Variants in IQGAP1 observed in about 807,000 individuals in gnomAD.
IQGAP1 encodes ras GTPase-activating-like protein IQGAP1.
A neutral mutation model predicts 215.6 loss-of-function variants in IQGAP1; 66 were observed. The observed-to-expected ratio is 0.31, with a 90% CI of 0.25 to 0.38. The LOEUF (loss-of-function observed/expected upper bound fraction) is 0.38, where lower values mean the gene tolerates loss of function less well. IQGAP1 is among the 10% of genes least tolerant of loss of function. The probability of loss-of-function intolerance (pLI) is 1.00; values close to 1 mark genes in which losing one functional copy is unlikely to be tolerated. For missense variants in IQGAP1, 1,712 were observed against 1,997.1 expected (o/e 0.86, Z 2.72); for synonymous variants, 772 against 728.7 (o/e 1.06, Z -0.96).
intron 4 of IQGAP1, among the ~76,000 whole-genome samples, chr15:90,431,459 T>C (rs1461009456): frequency 1.3e-5 from 2 of 152,254 alleles, no homozygotes; most frequent in Non-Finnish European, 2.9e-5. Flanking sequence ...CAGTGGGCAA[T>C]GACAATAACC....
chr15:90,494,605 T>C (rs548404002), intron 35 of IQGAP1, 108 bp from the exon 36 acceptor site: 8 of 879,518 alleles, frequency 9.1e-6, no homozygotes, highest in South Asian at 2.0e-5. Context: ...ATGTTACTTA[T>C]GCTTATGTCT....
At chr15:90,479,509 G>T (rs534701558) in intron 26 of IQGAP1, among the ~76,000 whole-genome samples, 6 of 151,510 alleles carry the variant, frequency 4.0e-5, no homozygotes, top group Non-Finnish European at 8.8e-5. Flanking sequence ...AGGCTGAGGT[G>T]GGAGGATTGC....
chr15:90,393,652 G>T (rs2589943), intron 2 of IQGAP1: 59,188 of 151,518 alleles, frequency 0.39, 13,405 homozygotes, highest in African/African-American at 0.61. Context: ...TCAGTAGAAT[G>T]TTACACTTCA....
chr15:90,444,472 C>T (rs1447797093), intron 9 of IQGAP1, among the ~76,000 whole-genome samples: 1 of 152,010 alleles, frequency 6.6e-6, no homozygotes, highest in Non-Finnish European at 1.5e-5. Flanking sequence ...TTTGAAGAGA[C>T]AGGGTCTCGC....
intron 7 of IQGAP1, 61 bp from the exon 8 acceptor site, chr15:90,441,445 A>AT: frequency 7.0e-7 from 1 of 1,423,430 alleles, no homozygotes; most frequent in South Asian, 1.2e-5. Context: ...TGTGATATAC[A>AT]TCCTGTAATC....
chr15:90,462,650 G>T (rs192194702), intron 15 of IQGAP1, among the ~76,000 whole-genome samples: 1 of 152,326 alleles, frequency 6.6e-6, no homozygotes, highest in Non-Finnish European at 1.5e-5. Flanking sequence ...GTGTGTGAGT[G>T]TGTGCTTTCC....
At chr15:90,464,309 C>G (rs905604624) in intron 15 of IQGAP1, among the ~76,000 whole-genome samples, 15 of 152,142 alleles carry the variant, frequency 9.9e-5, no homozygotes, top group Non-Finnish European at 2.2e-4. Context: ...AATTGATGCT[C>G]TCTGTAAAGA....
chr15:90,480,055 G>T (rs764903601), intron 26 of IQGAP1, among the ~76,000 whole-genome samples: 20 of 152,014 alleles, frequency 1.3e-4, no homozygotes, highest in Middle Eastern at 3.4e-3. Flanking sequence ...TTTTCTTGTG[G>T]GTACCTATAA....
intron 2 of IQGAP1, among the ~76,000 whole-genome samples, chr15:90,411,466 A>G (rs1408726985): frequency 6.6e-6 from 1 of 152,030 alleles, no homozygotes; most frequent in Non-Finnish European, 1.5e-5. Flanking sequence ...CTTAATGTAT[A>G]TCATAGTTAA....
chr15:90,411,745 C>T (rs1004300815), intron 2 of IQGAP1, among the ~76,000 whole-genome samples: 1 of 152,126 alleles, frequency 6.6e-6, no homozygotes, highest in Non-Finnish European at 1.5e-5. Flanking sequence ...AATTTCATTT[C>T]ATTTCATTTA....
Position 90,501,723 on chromosome 15 carries a change from A to G in IQGAP1, c.*1615A>G, listed in dbSNP as rs541863466. 1 of 152,312 alleles carries G rather than the reference A, an allele frequency of 6.6e-6. No individual in the cohort carries two copies. The highest frequency in any genetic ancestry group is 6.5e-5 in the Admixed American group (1 of 15,298). 9.4% of individuals were successfully genotyped at this position (152,312 alleles called of 1,614,324 possible). On this transcript the variant is annotated 3_prime_UTR_variant, in exon 38 of 38. Coordinates refer to ENST00000268182, the MANE Select transcript of IQGAP1 (RefSeq NM_003870.4). ...TTTTGGAAGACAGGTTTTTTAAAGA[A>G]ACATTTTCCTCAGATTAAAAGATGA... is the stretch of plus-strand genomic sequence containing the variant.
At position 90,473,029 on chromosome 15, in the gene IQGAP1, C is replaced by T; in HGVS notation, c.2349+19C>T. On this transcript the variant is annotated intron_variant, in intron 19 of 37. Coordinates refer to ENST00000268182, the MANE Select transcript of IQGAP1 (RefSeq NM_003870.4). ...CATTCAGGTATTTCAGAACCTATCA[C>T]ACAGACAGCAAGCGGGCATCTAGAG... 6.2e-7 allele frequency: 1 copy of T among 1,609,260 alleles called. No individual in the cohort carries two copies. Among genetic ancestry groups the T allele is most frequent in the Non-Finnish European group, 8.5e-7 (1 of 1,176,550 alleles).
chr15:90,449,055 C>T (rs1044732987), intron 10 of IQGAP1, among the ~76,000 whole-genome samples: 1 of 152,006 alleles, frequency 6.6e-6, no homozygotes, highest in Non-Finnish European at 1.5e-5. Flanking sequence ...TGCATTCTTA[C>T]GTCAGGAATT....
chr15:90,429,945 T>C (rs1036838475), intron 4 of IQGAP1: 1 of 229,172 alleles, frequency 4.4e-6, no homozygotes, highest in African/African-American at 2.3e-5. Context: ...TTTCCTTAGA[T>C]AGAATTCACA....
At chr15:90,440,451 T>G in intron 6 of IQGAP1, 51 bp from the exon 7 acceptor site, 1 of 1,258,530 alleles carries the variant, frequency 7.9e-7, no homozygotes, top group Non-Finnish European at 1.1e-6. Flanking sequence ...CTTCTCTTGG[T>G]TATGGAAGGG....
intron 2 of IQGAP1, among the ~76,000 whole-genome samples, chr15:90,407,840 ATGCGAAAGT>A (rs1964901313): frequency 1.3e-5 from 2 of 152,250 alleles, no homozygotes; most frequent in African/African-American, 4.8e-5. Flanking sequence ...ACTGAAGAAG[ATGCGAAAGT>A]ATAAAACAGT....
At chr15:90,397,509 AC>A (rs1964739066) in intron 2 of IQGAP1, among the ~76,000 whole-genome samples, 1 of 141,164 alleles carries the variant, frequency 7.1e-6, no homozygotes, top group Non-Finnish European at 1.5e-5. Context: ...CACTCAACAA[AC>A]TTTTTTTTTT....
intron 2 of IQGAP1, among the ~76,000 whole-genome samples, chr15:90,417,324 G>T (rs1396359862): frequency 2.0e-5 from 3 of 152,028 alleles, no homozygotes; most frequent in African/African-American, 7.3e-5. Context: ...TTTCTTCTAG[G>T]GTTTTTATGG....
rs78566632 is a variant in IQGAP1, at chr15:90,413,223, C to T, written c.156-12887C>T. 5.4e-3 allele frequency among the ~76,000 whole-genome samples: 825 copies of T among 152,248 alleles called. 10 individuals carry two copies. The highest frequency in any genetic ancestry group is 0.019 in the African/African-American group (800 of 41,534). On this transcript the variant is annotated intron_variant, in intron 2 of 37. Transcript: ENST00000268182. The stretch of plus-strand genomic sequence containing the variant: ...TCTGTGGATCTAACCATTTCACCCC[C>T]ACACTCATGTGTACATACACATATA...
Sources: gnomAD v4.1 joint callset for allele counts (sites outside exome capture counted in the v4.1 genomes callset) on GRCh38, gnomAD v4.1.1 for gene constraint, MANE v1.5 for transcripts, NCBI Gene and HGNC (gene_info 2026-07-23, HGNC 2026-07-21) for gene names.